The following MRTFA variants were observed in gnomAD, a reference collection of about 807,000 sequenced individuals.
The protein encoded by MRTFA is myocardin-related transcription factor A.
MRTFA carries 20 observed loss-of-function variants against 83.5 expected under a neutral mutation model. The ratio of observed to expected loss-of-function variants is 0.24; its 90% CI spans 0.17 to 0.35. The LOEUF (loss-of-function observed/expected upper bound fraction) is 0.35, where lower values mean the gene tolerates loss of function less well. MRTFA is among the 10% of genes least tolerant of loss of function. The pLI is 1.00. For missense variants in MRTFA, 1,200 were observed against 1,224.7 expected, an observed-to-expected ratio of 0.98 and a Z score of 0.30; for synonymous variants, 659 against 541.2, an observed-to-expected ratio of 1.22 and a Z score of -3.02.
At chr22:40,475,362 A>T (rs756975047) in intron 3 of MRTFA, among the ~76,000 whole-genome samples, 3 of 151,912 alleles carry the variant, frequency 2.0e-5, no homozygotes, top group Non-Finnish European at 4.4e-5. Context: ...ACATGGTGAA[A>T]TCCCATCTCA....
At chr22:40,614,062 C>T (rs1239503672) in intron 1 of MRTFA, among the ~76,000 whole-genome samples, 1 of 151,654 alleles carries the variant, frequency 6.6e-6, no homozygotes, top group Non-Finnish European at 1.5e-5. Context: ...ATTAGCCGGG[C>T]ATGGTGGCGC....
chr22:40,411,524 T>C lies in MRTFA; in HGVS notation c.2962A>G (p.Met988Val). 6.2e-7 allele frequency: 1 copy of C among 1,613,206 alleles called. No homozygotes were observed. The highest frequency in any genetic ancestry group is 1.7e-4 in the Middle Eastern group (1 of 6,058). Residue 988 changes from methionine (M) to valine (V), a missense_variant, in exon 15 of 15, where the codon ATG (methionine) becomes GTG (valine). Transcript: ENST00000355630. ...CCTGACGACAGCTCCAGCCAGTCCA[T>C]GCTGTCCAGGTGGCCATCAGCCAGG...
At chr22:40,489,632 A>G (rs1419497613) in intron 3 of MRTFA, among the ~76,000 whole-genome samples, 1 of 151,986 alleles carries the variant, frequency 6.6e-6, no homozygotes, top group Non-Finnish European at 1.5e-5. Flanking sequence ...GAGTCCTTTC[A>G]AGACTGAGTC....
chr22:40,635,808 G>C (rs560298249), intron 1 of MRTFA, among the ~76,000 whole-genome samples: 1 of 152,168 alleles, frequency 6.6e-6, no homozygotes, highest in Non-Finnish European at 1.5e-5. Flanking sequence ...TCATTTTTCA[G>C]ACGAGGAAAC....
At chr22:40,541,512 T>C (rs1394572038) in intron 3 of MRTFA, among the ~76,000 whole-genome samples, 1 of 152,214 alleles carries the variant, frequency 6.6e-6, no homozygotes, top group Non-Finnish European at 1.5e-5. Context: ...GGCAAGTTGC[T>C]ACAGGTCCTG....
chr22:40,597,204 T>C (rs1232371447), intron 1 of MRTFA, among the ~76,000 whole-genome samples: 1 of 152,218 alleles, frequency 6.6e-6, no homozygotes, highest in Admixed American at 6.5e-5. Context: ...TACTTGCTGA[T>C]AGAAGGCCCA....
chr22:40,632,437 C>A (rs903001159), intron 1 of MRTFA, among the ~76,000 whole-genome samples: 9 of 151,814 alleles, frequency 5.9e-5, no homozygotes, highest in Non-Finnish European at 1.2e-4. Context: ...GCATGGGCTG[C>A]CACTCCCAGA....
intron 3 of MRTFA, among the ~76,000 whole-genome samples, chr22:40,540,776 C>CAAA (rs11398739): frequency 4.0e-4 from 36 of 90,900 alleles, no homozygotes; most frequent in East Asian, 1.6e-3. Flanking sequence ...GACTCTGTCT[C>CAAA]AAAAAAAAAA....
intron 6 of MRTFA, among the ~76,000 whole-genome samples, chr22:40,430,686 C>T (rs1233924614): frequency 6.6e-6 from 1 of 151,780 alleles, no homozygotes; most frequent in African/African-American, 2.4e-5. Flanking sequence ...TGGTGAAACC[C>T]CATCTCTACT....
chr22:40,628,774 T>C (rs2056608651), intron 1 of MRTFA, among the ~76,000 whole-genome samples: 1 of 152,226 alleles, frequency 6.6e-6, no homozygotes, highest in Non-Finnish European at 1.5e-5. Flanking sequence ...GCTCAGCCCC[T>C]GGACTGTTGT....
chr22:40,459,272 T>A (rs78943580), intron 4 of MRTFA, among the ~76,000 whole-genome samples: 18,932 of 146,086 alleles, frequency 0.13, 1,559 homozygotes, highest in South Asian at 0.28. Context: ...AAGAGCCTCG[T>A]TTTTGGGAAC....
At chr22:40,614,540 T>G (rs979758749) in intron 1 of MRTFA, among the ~76,000 whole-genome samples, 5 of 152,146 alleles carry the variant, frequency 3.3e-5, no homozygotes, top group Non-Finnish European at 5.9e-5. Flanking sequence ...CAGACTGGAG[T>G]GCAATGGCGC....
chr22:40,520,654 G>C (rs1465901738), intron 3 of MRTFA, among the ~76,000 whole-genome samples: 9 of 152,206 alleles, frequency 5.9e-5, no homozygotes, highest in Non-Finnish European at 1.3e-4. Context: ...CGATCCACCT[G>C]CCTTGGCCTC....
chr22:40,477,451 G>A (rs1170567151), intron 3 of MRTFA, among the ~76,000 whole-genome samples: 1 of 151,998 alleles, frequency 6.6e-6, no homozygotes, highest in African/African-American at 2.4e-5. Flanking sequence ...TCCTAGCTCT[G>A]TTGCTACCTA....
chr22:40,459,826 TATAC>T lies in MRTFA; in HGVS notation c.307+3391_307+3394del, dbSNP rs1284867247. 3.2e-5 allele frequency among the ~76,000 whole-genome samples: 3 copies of T among 92,796 alleles called. No homozygotes were observed. The Admixed American group carries it at 3.5e-4, about 11-fold the overall frequency. The allele number at this position is 92,796 out of a possible 152,430, so 60.9% of individuals were successfully genotyped here. On this transcript the variant is annotated intron_variant, in intron 4 of 14. Coordinates refer to ENST00000355630, the MANE Select transcript of MRTFA (RefSeq NM_020831.6). Reference sequence around the variant, plus strand: ...ACACACACACACACACACACACATATATACATATATATATATATATATATATATA... The same window carrying T: ...ACACACACACACACACACACACATATATATATATATATATATATATATATA...
intron 3 of MRTFA, chr22:40,523,555 G>C (rs55993771): frequency 0.09 from 13,647 of 152,194 alleles, 799 homozygotes; most frequent in East Asian, 0.25. Flanking sequence ...GCCTAGGCTG[G>C]TCTCAAACTT....
chr22:40,535,773 G>C (rs1435352690), intron 3 of MRTFA, among the ~76,000 whole-genome samples: 1 of 152,146 alleles, frequency 6.6e-6, no homozygotes, highest in Non-Finnish European at 1.5e-5. Context: ...AAGATGGTAG[G>C]AAGGGCAGAG....
intron 2 of MRTFA, among the ~76,000 whole-genome samples, chr22:40,592,897 T>C (rs972632011): frequency 2.0e-5 from 3 of 152,176 alleles, no homozygotes; most frequent in African/African-American, 7.2e-5. Flanking sequence ...TTAATTTGCA[T>C]TGGCTCAGGG....
intron 3 of MRTFA, among the ~76,000 whole-genome samples, chr22:40,499,339 G>C (rs117669835): frequency 2.8e-4 from 43 of 152,240 alleles, no homozygotes; most frequent in Admixed American, 7.8e-4. Context: ...GTCATTTAAA[G>C]AACACAGACA....
Sources: gnomAD v4.1 joint callset for allele counts (sites outside exome capture counted in the v4.1 genomes callset) on GRCh38, gnomAD v4.1.1 for gene constraint, MANE v1.5 for transcripts, NCBI Gene and HGNC (gene_info 2026-07-23, HGNC 2026-07-21) for gene names.